NEK11: variants seen among roughly 807,000 people sequenced by gnomAD.
NEK11 encodes NIMA related kinase 11.
NEK11 carries 72 observed loss-of-function variants against 80.7 expected under a neutral mutation model. The observed-to-expected ratio is 0.89, with a 90% CI of 0.74 to 1.08. The LOEUF is 1.08. Ranked by LOEUF, NEK11 falls within the 50% of genes least tolerant of loss-of-function variation. The pLI is 0.00. For missense variants in NEK11, 764 were observed against 763.6 expected (o/e 1.00, Z -0.01); for synonymous variants, 251 against 260.7 (o/e 0.96, Z 0.36).
chr3:131,248,405 T>G (rs1327424090), intron 16 of NEK11, among the ~76,000 whole-genome samples: 1 of 151,998 alleles, frequency 6.6e-6, no homozygotes, highest in African/African-American at 2.4e-5. Flanking sequence ...GTTTATGGAG[T>G]ACATGAGATT....
intron 3 of NEK11, among the ~76,000 whole-genome samples, chr3:131,047,076 A>G (rs1453864458): frequency 6.6e-6 from 1 of 152,076 alleles, no homozygotes; most frequent in Non-Finnish European, 1.5e-5. Flanking sequence ...TGTCGATTCT[A>G]TTGCTGAGAC....
intron 16 of NEK11, among the ~76,000 whole-genome samples, chr3:131,252,196 G>A (rs1304463075): frequency 2.6e-5 from 4 of 152,042 alleles, no homozygotes; most frequent in Non-Finnish European, 5.9e-5. Context: ...CAGAGTATAA[G>A]CTTTTTCACT....
chr3:131,096,176 C>T (rs1298102287), intron 4 of NEK11, among the ~76,000 whole-genome samples: 1 of 151,684 alleles, frequency 6.6e-6, no homozygotes, highest in East Asian at 1.9e-4. Flanking sequence ...AACTCACATC[C>T]CCCTTCCTCC....
chr3:131,214,268 C>G (rs1292877133), intron 14 of NEK11, among the ~76,000 whole-genome samples: 2 of 152,206 alleles, frequency 1.3e-5, no homozygotes, highest in Admixed American at 1.3e-4. Context: ...TCAGTTCAGG[C>G]TCTGGTTTTA....
chr3:131,028,975 A>G (rs998672495), intron 2 of NEK11, among the ~76,000 whole-genome samples: 9 of 152,126 alleles, frequency 5.9e-5, no homozygotes, highest in Admixed American at 3.3e-4. Context: ...TGAATTTGTA[A>G]CTCTTCCTGT....
chr3:131,317,655 G>A (rs1304820801), intron 17 of NEK11, among the ~76,000 whole-genome samples: 3 of 151,488 alleles, frequency 2.0e-5, no homozygotes, highest in Non-Finnish European at 4.4e-5. Flanking sequence ...AGCACTTTGG[G>A]AGGCTGAGAC....
intron 3 of NEK11, among the ~76,000 whole-genome samples, chr3:131,041,046 C>A (rs2066395309): frequency 6.6e-6 from 1 of 152,204 alleles, no homozygotes; most frequent in African/African-American, 2.4e-5. Flanking sequence ...TCTTTCATCT[C>A]ATAAGCCTCA....
At chr3:131,255,588 C>T (rs2108370591) in intron 16 of NEK11, among the ~76,000 whole-genome samples, 1 of 152,276 alleles carries the variant, frequency 6.6e-6, no homozygotes, top group Non-Finnish European at 1.5e-5. Flanking sequence ...CTTGATATTT[C>T]CATGAATATA....
intron 3 of NEK11, among the ~76,000 whole-genome samples, chr3:131,032,115 C>T (rs1172307653): frequency 6.6e-6 from 1 of 152,094 alleles, no homozygotes; most frequent in Non-Finnish European, 1.5e-5. Context: ...GCATGCACCA[C>T]CACACCTGGC....
intron 14 of NEK11, among the ~76,000 whole-genome samples, chr3:131,227,307 C>T (rs571735428): frequency 2.0e-5 from 3 of 152,218 alleles, no homozygotes; most frequent in South Asian, 4.1e-4. Context: ...GGATTCTGGA[C>T]TCATTTAATG....
At chr3:131,090,329 G>T (rs1321285479) in intron 4 of NEK11, among the ~76,000 whole-genome samples, 1 of 152,170 alleles carries the variant, frequency 6.6e-6, no homozygotes, top group East Asian at 1.9e-4. Flanking sequence ...CAAAACCTTA[G>T]AAGTTAACAT....
chr3:131,065,101 A>G (rs570638738), intron 3 of NEK11, among the ~76,000 whole-genome samples: 5 of 152,224 alleles, frequency 3.3e-5, no homozygotes, highest in Non-Finnish European at 7.3e-5. Context: ...TATTATTAAA[A>G]TTTAAATGCT....
At chr3:131,317,960 G>A (rs2096861219) in intron 17 of NEK11, among the ~76,000 whole-genome samples, 3 of 152,112 alleles carry the variant, frequency 2.0e-5, no homozygotes, top group South Asian at 4.1e-4. Context: ...GCTCCACTCT[G>A]CAGATTTCCA....
At chr3:131,126,397 GT>G (rs1004801834) in intron 5 of NEK11, among the ~76,000 whole-genome samples, 2 of 152,016 alleles carry the variant, frequency 1.3e-5, no homozygotes, top group Admixed American at 6.6e-5. Context: ...GTTTGAAAAT[GT>G]TTTTATTTTT....
At chr3:131,029,578 C>T in intron 2 of NEK11, 35 bp from the exon 3 acceptor site, 1 of 869,396 alleles carries the variant, frequency 1.2e-6, no homozygotes, top group Non-Finnish European at 1.8e-6. Context: ...GTTTAGCAAC[C>T]TTTAGACCTG....
intron 3 of NEK11, among the ~76,000 whole-genome samples, chr3:131,049,853 A>G (rs1240783799): frequency 1.3e-5 from 2 of 152,178 alleles, no homozygotes; most frequent in African/African-American, 2.4e-5. Flanking sequence ...AATACTTTTA[A>G]CTACATGTTA....
At chr3:131,060,958 A>G (rs959764678) in intron 3 of NEK11, among the ~76,000 whole-genome samples, 1 of 151,994 alleles carries the variant, frequency 6.6e-6, no homozygotes, top group Non-Finnish European at 1.5e-5. Context: ...TTCCTTGGAG[A>G]ACTGTATTTG....
At chr3:131,345,789 A>G (rs1260174534) in intron 17 of NEK11, among the ~76,000 whole-genome samples, 1 of 152,222 alleles carries the variant, frequency 6.6e-6, no homozygotes, top group Non-Finnish European at 1.5e-5. Flanking sequence ...ATGTCTATCA[A>G]TGGAGAAGTG....
intron 4 of NEK11, among the ~76,000 whole-genome samples, chr3:131,107,043 G>T (rs1402872782): frequency 1.3e-5 from 2 of 152,028 alleles, no homozygotes; most frequent in Non-Finnish European, 2.9e-5. Context: ...GGAAATCTTT[G>T]ATTCATTTCA....
Sources: gnomAD v4.1 joint callset for allele counts (sites outside exome capture counted in the v4.1 genomes callset) on GRCh38, gnomAD v4.1.1 for gene constraint, MANE v1.5 for transcripts, NCBI Gene and HGNC (gene_info 2026-07-23, HGNC 2026-07-21) for gene names.